The following CSMD2 variants were observed in gnomAD, a reference collection of about 807,000 sequenced individuals.
CSMD2 encodes the protein CUB and Sushi multiple domains 2.
CSMD2 carries 130 observed loss-of-function variants against 398.5 expected under a neutral mutation model. That is an observed-to-expected ratio of 0.33 (90% CI 0.28 to 0.38). CSMD2 has a LOEUF of 0.38. Among genes scored for constraint, CSMD2 ranks in the 10% least tolerant of loss-of-function variants. The pLI is 1.00. For missense variants in CSMD2, 3,829 were observed against 4,764.9 expected, an observed-to-expected ratio of 0.80 and a Z score of 5.78; for synonymous variants, 1,828 against 1,908.5, an observed-to-expected ratio of 0.96 and a Z score of 1.10.
chr1:33,804,184 A>G (rs1035225643), intron 10 of CSMD2, among the ~76,000 whole-genome samples: 2 of 152,252 alleles, frequency 1.3e-5, no homozygotes, highest in Admixed American at 6.5e-5. Flanking sequence ...CAGGCATACA[A>G]TAAGAGCTAT....
chr1:33,927,181 T>G (rs1378794631), intron 4 of CSMD2, among the ~76,000 whole-genome samples: 1 of 152,204 alleles, frequency 6.6e-6, no homozygotes, highest in Non-Finnish European at 1.5e-5. Flanking sequence ...TGGTTTCGTG[T>G]GCCTAAACAT....
intron 6 of CSMD2, among the ~76,000 whole-genome samples, chr1:33,844,373 G>A (rs569359267): frequency 1.3e-3 from 200 of 152,276 alleles, no homozygotes; most frequent in African/African-American, 4.6e-3. Flanking sequence ...GGCCAAGCAC[G>A]CTGCTAAACA....
intron 7 of CSMD2, among the ~76,000 whole-genome samples, chr1:33,825,410 G>C (rs180953705): frequency 6.6e-6 from 1 of 152,342 alleles, no homozygotes; most frequent in East Asian, 1.9e-4. Context: ...GGAAAATAAA[G>C]AGAGAAATGT....
intron 1 of CSMD2, among the ~76,000 whole-genome samples, chr1:34,107,683 T>C (rs926402567): frequency 2.0e-5 from 3 of 152,188 alleles, no homozygotes; most frequent in African/African-American, 7.2e-5. Context: ...TAAACTCCTT[T>C]CTACAGCACT....
intron 24 of CSMD2, among the ~76,000 whole-genome samples, chr1:33,694,743 CAAA>C (rs1384547040): frequency 6.6e-6 from 1 of 152,160 alleles, no homozygotes; most frequent in African/African-American, 2.4e-5. Flanking sequence ...AATATAACTA[CAAA>C]CAACTGAATT....
chr1:33,995,659 AC>A (rs1646703420), intron 3 of CSMD2, among the ~76,000 whole-genome samples: 1 of 151,842 alleles, frequency 6.6e-6, no homozygotes, highest in African/African-American at 2.4e-5. Flanking sequence ...CTTCTGAACC[AC>A]CCCCTCATGA....
At chr1:33,850,979 G>A (rs567236345) in intron 5 of CSMD2, among the ~76,000 whole-genome samples, 4 of 152,094 alleles carry the variant, frequency 2.6e-5, no homozygotes, top group African/African-American at 7.2e-5. Flanking sequence ...TCATGCAGTC[G>A]GGATGTTGGG....
intron 3 of CSMD2, among the ~76,000 whole-genome samples, chr1:33,987,740 T>C (rs1277775683): frequency 6.6e-6 from 1 of 152,086 alleles, no homozygotes; most frequent in Non-Finnish European, 1.5e-5. Context: ...CCAAACAGAC[T>C]CTTCATCACT....
At chr1:33,627,338 C>G (rs1642191039) in intron 32 of CSMD2, among the ~76,000 whole-genome samples, 3 of 152,090 alleles carry the variant, frequency 2.0e-5, no homozygotes, top group Non-Finnish European at 1.5e-5. Flanking sequence ...AGGGGAGAGA[C>G]AGCACCAACT....
chr1:33,636,562 A>G lies in CSMD2; in HGVS notation c.4775-8T>C, dbSNP rs745935147. ...ATGACTCCCGCGGGTTTTCTGGGAA[A>G]AAGAAATACAAACACGTGCACACAC... On this transcript the variant is annotated splice_polypyrimidine_tract_variant and splice_region_variant and intron_variant, in intron 29 of 70. Coordinates refer to ENST00000373381, the MANE Select transcript of CSMD2 (RefSeq NM_001281956.2). This position sits in a 1 kb window ranked among gnomAD's most constrained non-coding sequence, Gnocchi z 4.8. 1.2e-6 allele frequency: 2 copies of G among 1,613,092 alleles called. No individual in the cohort carries two copies. Among genetic ancestry groups the G allele is most frequent in the African/African-American group, 2.7e-5 (2 of 74,912 alleles).
At chr1:33,564,120 CA>C (rs1658831310) in intron 53 of CSMD2, among the ~76,000 whole-genome samples, 1 of 151,524 alleles carries the variant, frequency 6.6e-6, no homozygotes, top group African/African-American at 2.5e-5. Context: ...GCAGCAGCAG[CA>C]ACTGCTGCTT....
chr1:34,107,899 G>A (rs544903116), intron 1 of CSMD2, among the ~76,000 whole-genome samples: 52 of 152,244 alleles, frequency 3.4e-4, no homozygotes, highest in Non-Finnish European at 4.4e-5. Flanking sequence ...ATAATAACTC[G>A]GGAAATAGGA....
chr1:34,129,400 C>T (rs1328483384), intron 1 of CSMD2, among the ~76,000 whole-genome samples: 5 of 152,128 alleles, frequency 3.3e-5, no homozygotes, highest in Non-Finnish European at 7.3e-5. Flanking sequence ...GCCTGTAATC[C>T]CAGCACTTTG....
intron 13 of CSMD2, among the ~76,000 whole-genome samples, chr1:33,754,793 G>C (rs2149282651): frequency 6.6e-6 from 1 of 152,232 alleles, no homozygotes; most frequent in South Asian, 2.1e-4. Context: ...ATGGGAGAAA[G>C]GATTGATCAT....
intron 23 of CSMD2, among the ~76,000 whole-genome samples, chr1:33,699,536 T>C (rs998524067): frequency 1.3e-5 from 2 of 152,194 alleles, no homozygotes; most frequent in African/African-American, 4.8e-5. Flanking sequence ...AATTTTCACA[T>C]GATAGAAGTG....
At chr1:33,717,656 G>A (rs1316662787) in intron 19 of CSMD2, among the ~76,000 whole-genome samples, 1 of 151,752 alleles carries the variant, frequency 6.6e-6, no homozygotes, top group East Asian at 2.0e-4. Flanking sequence ...GGACTACAGA[G>A]GTAGATTTGA....
At chr1:34,035,240 A>T (rs1650969488) in intron 2 of CSMD2, among the ~76,000 whole-genome samples, 1 of 152,178 alleles carries the variant, frequency 6.6e-6, no homozygotes, top group African/African-American at 2.4e-5. Context: ...CCAAAAAAGA[A>T]ATATCTAGGC....
chr1:33,797,039 T>C (rs1351311985), intron 10 of CSMD2, among the ~76,000 whole-genome samples: 1 of 152,160 alleles, frequency 6.6e-6, no homozygotes, highest in African/African-American at 2.4e-5. Flanking sequence ...AACCCTGTTT[T>C]CTGTTGTTTA....
At chr1:34,131,134 C>A (rs1418494608) in intron 1 of CSMD2, among the ~76,000 whole-genome samples, 3 of 152,118 alleles carry the variant, frequency 2.0e-5, no homozygotes, top group Non-Finnish European at 4.4e-5. Context: ...TATTAAGTAC[C>A]TGCCATGCAC....
Sources: allele counts gnomAD v4.1 joint callset (sites outside exome capture counted in the v4.1 genomes callset), GRCh38; gene constraint gnomAD v4.1.1; non-coding constraint Gnocchi (gnomAD v3.1); transcripts MANE v1.5; gene names NCBI Gene and HGNC (gene_info 2026-07-23, HGNC 2026-07-21).